Variants in THSD7B observed in about 807,000 individuals in gnomAD.
THSD7B encodes thrombospondin type 1 domain containing 7B, also known as thrombospondin type-1 domain-containing protein 7B.
A neutral mutation model predicts 213.6 loss-of-function variants in THSD7B; 138 were observed. The ratio of observed to expected loss-of-function variants is 0.65; its 90% CI spans 0.56 to 0.74. The LOEUF (loss-of-function observed/expected upper bound fraction) is 0.74, where lower values mean the gene tolerates loss of function less well. Among genes scored for constraint, THSD7B ranks in the 30% least tolerant of loss-of-function variants. The pLI is 0.00. For missense variants in THSD7B, 1,931 were observed against 1,991.5 expected (o/e 0.97, Z 0.58); for synonymous variants, 742 against 687.0 (o/e 1.08, Z -1.25).
chr2:137,352,492 C>A (rs886823427), intron 12 of THSD7B, among the ~76,000 whole-genome samples: 10 of 151,994 alleles, frequency 6.6e-5, no homozygotes, highest in Admixed American at 6.6e-4. Context: ...CCACTTAGTC[C>A]TCCTGGCCTT....
chr2:137,481,362 T>C (rs550367313), intron 15 of THSD7B, among the ~76,000 whole-genome samples: 18 of 152,330 alleles, frequency 1.2e-4, no homozygotes, highest in African/African-American at 4.3e-4. Flanking sequence ...TAGTTTTATA[T>C]CTATGACAGT....
intron 15 of THSD7B, among the ~76,000 whole-genome samples, chr2:137,461,517 C>T (rs1444833388): frequency 6.6e-6 from 1 of 152,104 alleles, no homozygotes; most frequent in Non-Finnish European, 1.5e-5. Flanking sequence ...TACCTTCCCA[C>T]TGGACTCTGC....
chr2:136,910,035 T>A (rs1304403009), intron 2 of THSD7B, among the ~76,000 whole-genome samples: 1 of 152,094 alleles, frequency 6.6e-6, no homozygotes, highest in Non-Finnish European at 1.5e-5. Flanking sequence ...TGGGGAAATA[T>A]CTCTGCTGGC....
intron 4 of THSD7B, among the ~76,000 whole-genome samples, chr2:137,099,581 T>C (rs1688109065): frequency 6.6e-6 from 1 of 152,164 alleles, no homozygotes; most frequent in Admixed American, 6.5e-5. Context: ...AACATCTTTC[T>C]TAGAAGAGAT....
chr2:136,852,232 G>C (rs1462271760), intron 1 of THSD7B, among the ~76,000 whole-genome samples: 1 of 151,870 alleles, frequency 6.6e-6, no homozygotes, highest in Non-Finnish European at 1.5e-5. Flanking sequence ...AGGATTCTGA[G>C]TTATAAAGGG....
At chr2:137,474,437 C>T (rs778449480) in intron 15 of THSD7B, among the ~76,000 whole-genome samples, 5 of 152,128 alleles carry the variant, frequency 3.3e-5, no homozygotes, top group African/African-American at 9.7e-5. Context: ...CTATCCCCAG[C>T]GTCCCAATAT....
At chr2:137,280,728 A>G (rs1338427805) in intron 12 of THSD7B, among the ~76,000 whole-genome samples, 1 of 152,050 alleles carries the variant, frequency 6.6e-6, no homozygotes, top group East Asian at 1.9e-4. Flanking sequence ...CTTATATTTT[A>G]TGGCAAATAA....
At chr2:137,300,141 G>A (rs534797736) in intron 12 of THSD7B, among the ~76,000 whole-genome samples, 1 of 152,176 alleles carries the variant, frequency 6.6e-6, no homozygotes, top group African/African-American at 2.4e-5. Flanking sequence ...AAATCAAATA[G>A]GAATTTTATT....
chr2:137,251,860 A>G (rs16838454), intron 10 of THSD7B, among the ~76,000 whole-genome samples: 4,085 of 152,326 alleles, frequency 0.027, 106 homozygotes, highest in Middle Eastern at 0.095. Flanking sequence ...GAAGCATTGG[A>G]TGTAACCATA....
At chr2:136,821,425 T>C (rs1682561666) in intron 1 of THSD7B, among the ~76,000 whole-genome samples, 2 of 152,242 alleles carry the variant, frequency 1.3e-5, no homozygotes, top group Admixed American at 1.3e-4. Context: ...TCCTCTGGAA[T>C]GTGTCTGCAG....
At chr2:137,671,918 A>AAAC (rs1180185730) in intron 27 of THSD7B, among the ~76,000 whole-genome samples, 2 of 152,112 alleles carry the variant, frequency 1.3e-5, no homozygotes, top group African/African-American at 4.8e-5. Context: ...TTTCCTTTTT[A>AAAC]AACAGTCTGG....
chr2:137,609,379 G>A (rs1238587372), intron 17 of THSD7B, among the ~76,000 whole-genome samples: 1 of 152,200 alleles, frequency 6.6e-6, no homozygotes, highest in Non-Finnish European at 1.5e-5. Context: ...ATCAGAGAAG[G>A]CCTTTCTAAT....
At chr2:137,505,429 G>C (rs1395195911) in intron 15 of THSD7B, among the ~76,000 whole-genome samples, 1 of 152,076 alleles carries the variant, frequency 6.6e-6, no homozygotes, top group Non-Finnish European at 1.5e-5. Context: ...CTTAGCTATT[G>C]GTCAGTCCAT....
chr2:137,319,815 C>T (rs138870228), intron 12 of THSD7B, among the ~76,000 whole-genome samples: 159 of 152,144 alleles, frequency 1.0e-3, no homozygotes, highest in South Asian at 5.0e-3. Flanking sequence ...TAAGGCTTGG[C>T]GGTGGTGGCG....
intron 2 of THSD7B, among the ~76,000 whole-genome samples, chr2:136,995,704 A>C (rs1685872963): frequency 6.6e-6 from 1 of 152,198 alleles, no homozygotes; most frequent in Non-Finnish European, 1.5e-5. Flanking sequence ...CATCATTTTC[A>C]GGAGATAAAA....
intron 14 of THSD7B, among the ~76,000 whole-genome samples, chr2:137,425,901 T>C (rs1687044622): frequency 6.6e-6 from 1 of 152,144 alleles, no homozygotes; most frequent in African/African-American, 2.4e-5. Context: ...AGACTGACCC[T>C]GTTTGCAGAT....
chr2:137,515,197 G>A (rs1422943985), intron 15 of THSD7B, among the ~76,000 whole-genome samples: 1 of 152,200 alleles, frequency 6.6e-6, no homozygotes, highest in South Asian at 2.1e-4. Flanking sequence ...GGACCCTGAT[G>A]AAGCTGGAGA....
At chr2:137,505,114 G>C (rs377230096) in intron 15 of THSD7B, among the ~76,000 whole-genome samples, 1 of 152,118 alleles carries the variant, frequency 6.6e-6, no homozygotes, top group African/African-American at 2.4e-5. Context: ...TTGGAGGATC[G>C]TTGAGCCTGT....
In THSD7B at chr2:137,170,235, T is replaced by C. The variant is rs180961611; in HGVS notation, c.1526-506T>C. 1.0e-3 allele frequency among the ~76,000 whole-genome samples: 158 copies of C among 152,298 alleles called. 1 individual carries two copies. The highest frequency in any genetic ancestry group is 2.9e-3 in the Admixed American group (45 of 15,294). ...GTGAACTCCAAAGAGATATTGTCTT[T>C]ATGAGGCAGACTGATGTGTAAACCT... On this transcript the variant is annotated intron_variant, in intron 6 of 27. Transcript: ENST00000409968.
Sources: gnomAD v4.1 joint callset for allele counts (sites outside exome capture counted in the v4.1 genomes callset) on GRCh38, gnomAD v4.1.1 for gene constraint, MANE v1.5 for transcripts, NCBI Gene and HGNC (gene_info 2026-07-23, HGNC 2026-07-21) for gene names.